The following PRPSAP2 variants were observed in gnomAD, a reference collection of about 807,000 sequenced individuals.
The protein encoded by PRPSAP2 is phosphoribosyl pyrophosphate synthetase associated protein 2.
PRPSAP2 carries 24 observed loss-of-function variants against 40.6 expected under a neutral mutation model. The observed-to-expected ratio is 0.59, with a 90% confidence interval of 0.43 to 0.83. The LOEUF (loss-of-function observed/expected upper bound fraction) is 0.83. PRPSAP2 is among the 40% of genes least tolerant of loss of function. The pLI is 0.00. For synonymous variants in PRPSAP2, 149 were observed against 164.7 expected, an observed-to-expected ratio of 0.90 and a Z score of 0.73; for missense variants, 292 against 465.6, an observed-to-expected ratio of 0.63 and a Z score of 3.43.
chr17:18,918,655 G>C (rs567133112), intron 9 of PRPSAP2, among the ~76,000 whole-genome samples: 15 of 152,350 alleles, frequency 9.8e-5, no homozygotes, highest in African/African-American at 3.6e-4. Context: ...TGCAAGTGCA[G>C]AGGCCAGATC....
chr17:18,914,565 T>C (rs1356105124), intron 9 of PRPSAP2, among the ~76,000 whole-genome samples: 1 of 152,040 alleles, frequency 6.6e-6, no homozygotes, highest in Non-Finnish European at 1.5e-5. Context: ...CAGCCTTGCT[T>C]TTACATTCTT....
At chr17:18,902,448 A>G (rs550534830) in intron 8 of PRPSAP2, among the ~76,000 whole-genome samples, 1 of 152,358 alleles carries the variant, frequency 6.6e-6, no homozygotes. Context: ...ATGAGGAAAC[A>G]GACCCACAGA....
chr17:18,891,862 G>A (rs1397178696), intron 8 of PRPSAP2, among the ~76,000 whole-genome samples: 1 of 152,148 alleles, frequency 6.6e-6, no homozygotes, highest in Non-Finnish European at 1.5e-5. Context: ...TTTTGTTGTC[G>A]CTGTTATTGT....
rs1235934813 is a variant in PRPSAP2, at chr17:18,928,845, C to A, written c.839C>A (p.Ala280Asp). 3.7e-6 allele frequency: 6 copies of A among 1,614,030 alleles called. No homozygotes were observed. Among genetic ancestry groups the A allele is most frequent in the Non-Finnish European group, 5.1e-6 (6 of 1,179,954 alleles). ...ATTGATGATGTTGACAGCTTTCTTG[C>A]TGCAGCAGAGACCCTGAAGGAAAGA... is the stretch of plus-strand genomic sequence containing the variant. ...DIIDDVDSFL[A>D]AAETLKERGA... The change falls in exon 11 of 12, where the codon GCT (alanine) becomes GAT (aspartate). Residue 280 changes from alanine (A) to aspartate (D), a missense_variant. Physicochemically the swap from Ala to Asp is moderately radical, Grantham distance 126. Transcript: ENST00000268835.
upstream of PRPSAP2, chr17:18,856,379 C>A (rs898572279): frequency 6.6e-6 from 1 of 152,178 alleles, no homozygotes; most frequent in Non-Finnish European, 1.5e-5. Flanking sequence ...GATGCCAGCG[C>A]AGAAGGGACG....
intron 8 of PRPSAP2, among the ~76,000 whole-genome samples, chr17:18,893,265 C>T (rs1187085414): frequency 2.0e-5 from 3 of 151,570 alleles, no homozygotes; most frequent in African/African-American, 7.3e-5. Context: ...TCTCCTGCCT[C>T]AGCCTCCTGA....
At position 18,896,707 on chromosome 17, in the gene PRPSAP2, A is replaced by C. The variant is rs145585414; in HGVS notation, c.584+6830A>C. ...ACTCTGGGGATGGGACTATTCACAC[A>C]GAGTGACTCTAAGTTTGATCATATT... On this transcript the variant is annotated intron_variant, in intron 8 of 11. Transcript: ENST00000268835. 9.9e-4 allele frequency among the ~76,000 whole-genome samples: 149 copies of C among 150,570 alleles called. 1 individual carries two copies. The highest frequency in any genetic ancestry group is 3.6e-3 in the African/African-American group (146 of 41,026).
At chr17:18,892,239 CT>C (rs538824443) in intron 8 of PRPSAP2, among the ~76,000 whole-genome samples, 49 of 146,662 alleles carry the variant, frequency 3.3e-4, no homozygotes, top group East Asian at 3.9e-4. Flanking sequence ...TTGATGGACA[CT>C]TTTTTTTTTT....
At chr17:18,875,206 A>G (rs2038188474) in intron 5 of PRPSAP2, among the ~76,000 whole-genome samples, 1 of 152,022 alleles carries the variant, frequency 6.6e-6, no homozygotes, top group Non-Finnish European at 1.5e-5. Context: ...TCGGGTTCTC[A>G]GTCTTGTCCA....
chr17:18,866,045 A>C (rs1485550712), intron 3 of PRPSAP2, 93 bp downstream of exon 3: 1 of 869,586 alleles, frequency 1.1e-6, no homozygotes, highest in Non-Finnish European at 1.5e-6. Context: ...ATTTGAAAGC[A>C]GATATTTTAT....
intron 1 of PRPSAP2, chr17:18,859,648 C>A (rs186217672): frequency 6.6e-6 from 1 of 152,158 alleles, no homozygotes; most frequent in African/African-American, 2.4e-5. Flanking sequence ...AAGAGTAATT[C>A]GGTTTAGAAT....
chr17:18,926,636 TACA>T (rs1186516384), intron 10 of PRPSAP2, among the ~76,000 whole-genome samples: 2 of 152,162 alleles, frequency 1.3e-5, no homozygotes, highest in Non-Finnish European at 2.9e-5. Flanking sequence ...TAGGGGGCAA[TACA>T]CAGGGACATC....
At chr17:18,908,546 A>G (rs773809004) in intron 8 of PRPSAP2, 8 of 748,256 alleles carry the variant, frequency 1.1e-5, no homozygotes, top group Non-Finnish European at 1.2e-5. Flanking sequence ...GCGGAGGGAC[A>G]AGACCCTGAA....
At chr17:18,864,193 G>GA (rs2075115263) in intron 1 of PRPSAP2, among the ~76,000 whole-genome samples, 1 of 151,886 alleles carries the variant, frequency 6.6e-6, no homozygotes, top group Non-Finnish European at 1.5e-5. Context: ...TAAATGCATA[G>GA]AAAAAGTCTT....
chr17:18,863,409 C>G (rs552100984), intron 1 of PRPSAP2, among the ~76,000 whole-genome samples: 6 of 152,126 alleles, frequency 3.9e-5, no homozygotes, highest in African/African-American at 1.4e-4. Context: ...TGTTCTTAAA[C>G]ACACATGTTT....
chr17:18,928,797 C>G lies in PRPSAP2; in HGVS notation c.805-14C>G. On this transcript the variant is annotated splice_polypyrimidine_tract_variant and intron_variant, in intron 10 of 11. Transcript: ENST00000268835. Reference sequence around the variant, plus strand: ...AGTGCTCATATACATTCTTTTCCATCTGTGCTTTGGCAGGATGACATCATT... The same window carrying G: ...AGTGCTCATATACATTCTTTTCCATGTGTGCTTTGGCAGGATGACATCATT... The G allele has an allele frequency of 1.9e-6, 3 of 1,613,146 alleles. No homozygotes were observed. Among genetic ancestry groups the G allele is most frequent in the Non-Finnish European group, 2.5e-6 (3 of 1,179,462 alleles).
intron 8 of PRPSAP2, among the ~76,000 whole-genome samples, chr17:18,897,991 CTTTTTTTTTTTTTTT>C (rs71155370): frequency 7.9e-4 from 92 of 116,280 alleles, no homozygotes; most frequent in Non-Finnish European, 8.8e-4. Flanking sequence ...AGAATTTTTG[CTTTTTTTTTTTTTTT>C]TTTTTTTTTT....
chr17:18,920,241 G>A (rs2041620381), intron 9 of PRPSAP2, among the ~76,000 whole-genome samples: 1 of 152,166 alleles, frequency 6.6e-6, no homozygotes, highest in Admixed American at 6.6e-5. Flanking sequence ...TTAGATGAAC[G>A]CTGCTTCTTT....
At chr17:18,876,048 G>A (rs2151900492) in intron 5 of PRPSAP2, among the ~76,000 whole-genome samples, 1 of 152,240 alleles carries the variant, frequency 6.6e-6, no homozygotes, top group Non-Finnish European at 1.5e-5. Context: ...CAGGAGAATT[G>A]CTTGATCCTG....
Sources: allele counts gnomAD v4.1 joint callset (sites outside exome capture counted in the v4.1 genomes callset), GRCh38; gene constraint gnomAD v4.1.1; transcripts MANE v1.5; gene names NCBI Gene and HGNC (gene_info 2026-07-23, HGNC 2026-07-21).